CEP170: variants seen among roughly 807,000 people sequenced by gnomAD.
CEP170 encodes the protein centrosomal protein of 170 kDa.
Under a neutral mutation model 151.9 loss-of-function variants are expected in CEP170, and 21 were observed. That is an observed-to-expected ratio of 0.14 (90% CI 0.10 to 0.20). CEP170 has a LOEUF of 0.20. Among genes scored for constraint, CEP170 ranks in the 10% least tolerant of loss-of-function variants. The probability of loss-of-function intolerance (pLI) is 1.00; values close to 1 mark genes in which losing one functional copy is unlikely to be tolerated. For missense variants in CEP170, 964 were observed against 1,892.9 expected, an observed-to-expected ratio of 0.51 and a Z score of 9.11; for synonymous variants, 356 against 648.8, an observed-to-expected ratio of 0.55 and a Z score of 6.86.
At chr1:243,236,373 G>A (rs1474248800) in intron 1 of CEP170, among the ~76,000 whole-genome samples, 5 of 152,130 alleles carry the variant, frequency 3.3e-5, no homozygotes, top group Non-Finnish European at 5.9e-5. Context: ...ATGATGATAT[G>A]CAATATATTT....
At chr1:243,127,721 A>T (rs922613670) in intron 19 of CEP170, among the ~76,000 whole-genome samples, 3 of 152,254 alleles carry the variant, frequency 2.0e-5, no homozygotes, top group African/African-American at 7.2e-5. Context: ...CAAGACATAC[A>T]TAGGCATTAA....
intron 10 of CEP170, chr1:243,176,803 G>C (rs1332180306): frequency 2.5e-6 from 1 of 395,220 alleles, no homozygotes; most frequent in Non-Finnish European, 4.9e-6. Context: ...CTTATAAAAA[G>C]AAGAGGCTGT....
chr1:243,217,988 C>T (rs1054255559), intron 3 of CEP170, among the ~76,000 whole-genome samples: 2 of 152,214 alleles, frequency 1.3e-5, no homozygotes, highest in African/African-American at 4.8e-5. Context: ...AACCACTAAC[C>T]CCACAGAAGC....
Position 243,166,061 on chromosome 1 carries a change from G to A in CEP170, c.1899C>T (p.Ser633=). Reference sequence around the variant, plus strand: ...TCCTTCTCTCTCCCTGGCTAGCCAAGGAAGTTGCAGAGCCAGTACTTCTCA... The same window carrying A: ...TCCTTCTCTCTCCCTGGCTAGCCAAAGAAGTTGCAGAGCCAGTACTTCTCA... ...MTVRSTGSAT[S]LASQGERRRR... is the part of the protein sequence containing the mutation. Residue 633 remains serine, a synonymous_variant, in exon 13 of 20, where the codon TCC becomes TCT. Transcript: ENST00000366542. 4 of 1,612,392 alleles carry A rather than the reference G, an allele frequency of 2.5e-6. No individual in the cohort carries two copies. Among genetic ancestry groups the A allele is most frequent in the Non-Finnish European group, 3.4e-6 (4 of 1,179,114 alleles).
intron 3 of CEP170, among the ~76,000 whole-genome samples, chr1:243,217,197 C>T (rs2062375219): frequency 6.6e-6 from 1 of 152,122 alleles, no homozygotes; most frequent in Non-Finnish European, 1.5e-5. Context: ...ATGTGGTCTG[C>T]CGTTATGGGA....
chr1:243,181,460 C>T (rs1173405462), intron 10 of CEP170, among the ~76,000 whole-genome samples: 1 of 152,062 alleles, frequency 6.6e-6, no homozygotes, highest in Non-Finnish European at 1.5e-5. Context: ...AATACAAACC[C>T]AAATGCTGTA....
chr1:243,210,946 C>A (rs902163487), intron 4 of CEP170, among the ~76,000 whole-genome samples: 1 of 151,868 alleles, frequency 6.6e-6, no homozygotes, highest in African/African-American at 2.4e-5. Context: ...TGTCAAGGAA[C>A]AATTTTATAG....
chr1:243,179,467 C>T (rs1418494863), intron 10 of CEP170, among the ~76,000 whole-genome samples: 1 of 152,206 alleles, frequency 6.6e-6, no homozygotes, highest in South Asian at 2.1e-4. Flanking sequence ...GACTATCTAT[C>T]TTTGCTGCTT....
chr1:243,142,173 C>A (rs2055922699), intron 15 of CEP170, 143 bp downstream of exon 15: 3 of 1,516,412 alleles, frequency 2.0e-6, no homozygotes, highest in Non-Finnish European at 1.8e-6. Flanking sequence ...ATAAAATAAA[C>A]TGTTAAAGCA....
chr1:243,145,757 G>C (rs1234175016), intron 14 of CEP170, among the ~76,000 whole-genome samples: 9 of 152,134 alleles, frequency 5.9e-5, no homozygotes, highest in African/African-American at 2.2e-4. Flanking sequence ...GCTTATGACC[G>C]CAAGTCAAAC....
intron 18 of CEP170, chr1:243,128,741 A>G (rs2054014574): frequency 6.5e-6 from 1 of 153,732 alleles, no homozygotes; most frequent in Admixed American, 6.5e-5. Context: ...TAATTTTTGT[A>G]TTTTTAGTAA....
chr1:243,233,741 AATATATAT>A (rs1303987181), intron 1 of CEP170, among the ~76,000 whole-genome samples: 7 of 140,394 alleles, frequency 5.0e-5, no homozygotes, highest in African/African-American at 1.9e-4. Context: ...TCAAAAAAAA[AATATATAT>A]ATATATATAT....
chr1:243,149,317 C>G (rs1169083880), intron 14 of CEP170, among the ~76,000 whole-genome samples: 2 of 152,224 alleles, frequency 1.3e-5, no homozygotes, highest in African/African-American at 2.4e-5. Flanking sequence ...AGAAGATGGT[C>G]TGACGCCATC....
At chr1:243,230,344 C>CA (rs1190046934) in intron 1 of CEP170, among the ~76,000 whole-genome samples, 1 of 120,252 alleles carries the variant, frequency 8.3e-6, no homozygotes, top group African/African-American at 2.5e-5. Context: ...ATACAGTTCT[C>CA]AAAAACCAAA....
chr1:243,253,955 T>G (rs1161824858), intron 1 of CEP170, among the ~76,000 whole-genome samples: 2 of 152,234 alleles, frequency 1.3e-5, no homozygotes, highest in African/African-American at 4.8e-5. Context: ...TTGTTTTGTT[T>G]GTTTTACTTG....
intron 11 of CEP170, among the ~76,000 whole-genome samples, chr1:243,172,166 C>T (rs2058894374): frequency 6.6e-6 from 1 of 152,042 alleles, no homozygotes; most frequent in African/African-American, 2.4e-5. Flanking sequence ...CTTACTGAAA[C>T]CTAATATTTT....
At chr1:243,247,646 G>A (rs951164076) in intron 1 of CEP170, among the ~76,000 whole-genome samples, 22 of 152,098 alleles carry the variant, frequency 1.4e-4, no homozygotes, top group Admixed American at 7.9e-4. Context: ...GAGCCACCGC[G>A]CCTGCCCTGG....
chr1:243,185,883 A>C lies in CEP170; in HGVS notation c.1462T>G (p.Ser488Ala). 1 of 1,613,682 alleles carries C rather than the reference A, an allele frequency of 6.2e-7. No homozygotes were observed. The highest frequency in any genetic ancestry group is 8.5e-7 in the Non-Finnish European group (1 of 1,179,702). ...TGGTCATCATCATTATCCTTTTCAG[A>C]AGTAGCAGAAGTTGCTTGATTTTTT... is the stretch of plus-strand genomic sequence containing the variant. ...MLKNQATSAT[S>A]EKDNDDDQSD... Residue 488 changes from serine to alanine, a missense_variant, in exon 10 of 20, where the codon TCT becomes GCT. Ser to Ala is a moderately conservative substitution (Grantham distance 99). Transcript: ENST00000366542. The surrounding 1 kb of genome is among the most constrained non-coding windows in gnomAD (Gnocchi z 4.9).
rs775853315 is a variant in CEP170, at chr1:243,225,171, A to T, written c.105+5T>A. The stretch of plus-strand genomic sequence containing the variant: ...AACACATATAGAGAAGCTTGACACA[A>T]TTACCTGCAACATGAGCTCACAGTC... On this transcript the variant is annotated splice_donor_5th_base_variant and intron_variant, in intron 2 of 19. Transcript: ENST00000366542. 73 of 1,569,070 alleles carry T rather than the reference A, an allele frequency of 4.7e-5. No homozygotes were observed. The highest frequency in any genetic ancestry group is 6.2e-5 in the Non-Finnish European group (72 of 1,157,478).
Sources: allele counts gnomAD v4.1 joint callset (sites outside exome capture counted in the v4.1 genomes callset), GRCh38; gene constraint gnomAD v4.1.1; non-coding constraint Gnocchi (gnomAD v3.1); transcripts MANE v1.5; gene names NCBI Gene and HGNC (gene_info 2026-07-23, HGNC 2026-07-21).